The following AKAP6 variants were observed in gnomAD, a reference collection of about 807,000 sequenced individuals.
AKAP6 encodes A-kinase anchor protein 6.
In AKAP6, 58 loss-of-function variants were observed where a neutral mutation model predicts 188.5. The ratio of observed to expected loss-of-function variants is 0.31; its 90% confidence interval spans 0.25 to 0.38. AKAP6 has a LOEUF of 0.38. Ranked by LOEUF, AKAP6 falls within the 10% of genes least tolerant of loss-of-function variation. AKAP6 has a pLI of 1.00. For synonymous variants in AKAP6, 989 were observed against 998.6 expected (o/e 0.99, Z 0.18); for missense variants, 2,710 against 2,740.0 (o/e 0.99, Z 0.24).
intron 7 of AKAP6, among the ~76,000 whole-genome samples, chr14:32,665,235 C>G (rs968453782): frequency 6.6e-6 from 1 of 152,010 alleles, no homozygotes; most frequent in African/African-American, 2.4e-5. Context: ...GGCTCAGTCC[C>G]CAAGACTTCC....
intron 4 of AKAP6, among the ~76,000 whole-genome samples, chr14:32,548,265 C>A (rs1006318960): frequency 2.6e-5 from 4 of 152,002 alleles, no homozygotes; most frequent in African/African-American, 9.7e-5. Flanking sequence ...CCATGCCCAG[C>A]TAATTTTTGT....
At chr14:32,337,570 T>A (rs912943683) in intron 1 of AKAP6, among the ~76,000 whole-genome samples, 18 of 152,278 alleles carry the variant, frequency 1.2e-4, no homozygotes, top group Non-Finnish European at 2.2e-4. Flanking sequence ...TTTTTAAAAA[T>A]TTTATTTTAT....
chr14:32,610,061 C>T (rs778942215), intron 7 of AKAP6, among the ~76,000 whole-genome samples: 11 of 152,132 alleles, frequency 7.2e-5, no homozygotes, highest in Non-Finnish European at 1.2e-4. Flanking sequence ...GCACTCACAA[C>T]GGGCTTACTA....
At position 32,612,567 on chromosome 14, in the gene AKAP6, C is replaced by T. The variant is rs77140691; in HGVS notation, c.2730+11775C>T. Among the ~76,000 whole-genome samples, 781 of 152,220 alleles carry T rather than the reference C, an allele frequency of 5.1e-3. 52 individuals carry two copies. The East Asian group carries it at 0.12, about 24-fold the overall frequency. ...CTTGTTATTTTTTTTGTAAATAAAA[C>T]AATCTTTAAATCAACTTTTAGAAGA... On this transcript the variant is annotated intron_variant, in intron 7 of 13. Coordinates refer to ENST00000280979, the MANE Select transcript of AKAP6 (RefSeq NM_004274.5).
At chr14:32,525,395 G>A (rs936629103) in intron 2 of AKAP6, among the ~76,000 whole-genome samples, 17 of 152,168 alleles carry the variant, frequency 1.1e-4, no homozygotes, top group East Asian at 1.9e-4. Flanking sequence ...AGCAATCTAC[G>A]TTTGTATATG....
intron 7 of AKAP6, among the ~76,000 whole-genome samples, chr14:32,669,975 T>A (rs1005190133): frequency 6.6e-6 from 1 of 151,888 alleles, no homozygotes; most frequent in Admixed American, 6.6e-5. Context: ...CGGATGCCTG[T>A]AATCCCAGCT....
chr14:32,479,975 A>T (rs1566528699), intron 2 of AKAP6, among the ~76,000 whole-genome samples: 2 of 152,178 alleles, frequency 1.3e-5, no homozygotes, highest in Admixed American at 6.6e-5. Context: ...TACCTTCCTC[A>T]TACTGGTGTG....
chr14:32,335,024 C>T (rs906400475), intron 1 of AKAP6, among the ~76,000 whole-genome samples: 1 of 152,114 alleles, frequency 6.6e-6, no homozygotes, highest in African/African-American at 2.4e-5. Context: ...AATCATTACT[C>T]CCTGCAGCCT....
Position 32,569,980 on chromosome 14 carries a change from G to C in AKAP6, c.2347-7140G>C, listed in dbSNP as rs377439514. On this transcript the variant is annotated intron_variant, in intron 4 of 13. Coordinates refer to ENST00000280979, the MANE Select transcript of AKAP6 (RefSeq NM_004274.5). ...CCAGATCCACTGGTCGGGTAGCTGG[G>C]TGGTGAAATTCTTGCTAACCTGCGG... Among the ~76,000 whole-genome samples, 34 of 152,198 alleles carry C rather than the reference G, an allele frequency of 2.2e-4. No homozygotes were observed. In the East Asian group the frequency reaches 5.0e-3, roughly 23 times the overall value.
intron 2 of AKAP6, among the ~76,000 whole-genome samples, chr14:32,517,764 G>A (rs1028048126): frequency 9.9e-5 from 15 of 152,226 alleles, no homozygotes; most frequent in Admixed American, 8.5e-4. Context: ...CTCCACCTCT[G>A]TGGGCAGGGC....
intron 12 of AKAP6, among the ~76,000 whole-genome samples, chr14:32,774,980 T>C (rs1054083394): frequency 2.6e-5 from 4 of 152,220 alleles, no homozygotes; most frequent in African/African-American, 9.6e-5. Context: ...GCAAGCCATC[T>C]AATTCTTTTT....
chr14:32,781,738 A>T (rs1035999936), intron 12 of AKAP6, among the ~76,000 whole-genome samples: 1 of 152,214 alleles, frequency 6.6e-6, no homozygotes, highest in African/African-American at 2.4e-5. Context: ...AGAAATACGT[A>T]GTTTCATACT....
At chr14:32,792,648 A>G (rs1240148183) in intron 12 of AKAP6, among the ~76,000 whole-genome samples, 3 of 152,148 alleles carry the variant, frequency 2.0e-5, no homozygotes, top group Admixed American at 6.5e-5. Flanking sequence ...AGAACTTCCA[A>G]TACTATGTTG....
At chr14:32,804,950 A>T (rs1202236953) in intron 12 of AKAP6, among the ~76,000 whole-genome samples, 1 of 152,020 alleles carries the variant, frequency 6.6e-6, no homozygotes, top group Non-Finnish European at 1.5e-5. Context: ...AGGCAGTCAG[A>T]CCTTATGGTT....
At chr14:32,776,624 A>G (rs2033074835) in intron 12 of AKAP6, among the ~76,000 whole-genome samples, 1 of 152,212 alleles carries the variant, frequency 6.6e-6, no homozygotes, top group African/African-American at 2.4e-5. Flanking sequence ...GAATGAGTAC[A>G]TGTGTTCATT....
chr14:32,648,039 A>G (rs889849434), intron 7 of AKAP6, among the ~76,000 whole-genome samples: 3 of 152,030 alleles, frequency 2.0e-5, no homozygotes, highest in African/African-American at 7.2e-5. Context: ...AATTCCCTTA[A>G]TTGTCTTTTC....
rs1340256970 is a variant in AKAP6, at chr14:32,836,448, T to C, written c.*6643T>C. The C allele has an allele frequency of 6.6e-6, 1 of 152,108 alleles. No individual in the cohort carries two copies. Among genetic ancestry groups the C allele is most frequent in the African/African-American group, 2.4e-5 (1 of 41,412 alleles). 9.4% of individuals were successfully genotyped at this position (152,108 alleles called of 1,614,324 possible). A position where few individuals can be genotyped will look rare whatever the true frequency, so the allele number is the denominator to read the frequency against. On this transcript the variant is annotated 3_prime_UTR_variant, in exon 14 of 14. Transcript: ENST00000280979. ...GGCTCCATCTCTTAATACGATCACA[T>C]TGGGGATTAGGTTTCAACATACCAA...
At chr14:32,418,996 C>A (rs1269572713) in intron 1 of AKAP6, among the ~76,000 whole-genome samples, 3 of 152,046 alleles carry the variant, frequency 2.0e-5, no homozygotes, top group Non-Finnish European at 4.4e-5. Flanking sequence ...TTTCAAAATA[C>A]CAATTCATCT....
At chr14:32,520,203 A>T (rs1476713889) in intron 2 of AKAP6, among the ~76,000 whole-genome samples, 1 of 152,250 alleles carries the variant, frequency 6.6e-6, no homozygotes, top group African/African-American at 2.4e-5. Context: ...AGCAGTGTGT[A>T]GAGGGAAATT....
Sources: gnomAD v4.1 joint callset for allele counts (sites outside exome capture counted in the v4.1 genomes callset) on GRCh38, gnomAD v4.1.1 for gene constraint, MANE v1.5 for transcripts, NCBI Gene and HGNC (gene_info 2026-07-23, HGNC 2026-07-21) for gene names.